EPM2A: variants seen among roughly 807,000 people sequenced by gnomAD.
EPM2A encodes laforin.
A neutral mutation model predicts 26.5 loss-of-function variants in EPM2A; 21 were observed. The observed-to-expected ratio is 0.79, with a 90% CI of 0.56 to 1.14. The LOEUF is 1.14. EPM2A is among the 50% of genes most tolerant of loss of function. EPM2A has a pLI of 0.00. For missense variants in EPM2A, 458 were observed against 440.8 expected (o/e 1.04, Z -0.35); for synonymous variants, 217 against 177.6 (o/e 1.22, Z -1.76).
chr6:145,690,965 G>A (rs117361975), intron 1 of EPM2A, among the ~76,000 whole-genome samples: 1,644 of 150,030 alleles, frequency 0.011, 13 homozygotes, highest in Admixed American at 0.018. Flanking sequence ...CAACAGAAAA[G>A]TAGGCTGAAT....
chr6:145,435,180 T>C (rs1266040337), intron 4 of EPM2A, among the ~76,000 whole-genome samples: 1 of 152,098 alleles, frequency 6.6e-6, no homozygotes, highest in East Asian at 1.9e-4. Flanking sequence ...AATTTAGACA[T>C]AGTCAATCAT....
At chr6:145,450,350 C>CAAAAAAAAA (rs368618860) in intron 4 of EPM2A, among the ~76,000 whole-genome samples, 1 of 62,492 alleles carries the variant, frequency 1.6e-5, no homozygotes, top group Admixed American at 1.8e-4. Flanking sequence ...GACTCCGTCT[C>CAAAAAAAAA]AAAAAAAAAA....
chr6:145,433,214 A>G (rs927671502), intron 4 of EPM2A, among the ~76,000 whole-genome samples: 7 of 152,188 alleles, frequency 4.6e-5, no homozygotes, highest in African/African-American at 1.7e-4. Context: ...GTCTTACATA[A>G]CTTGGCTAAC....
downstream of EPM2A, among the ~76,000 whole-genome samples, chr6:145,622,924 T>C (rs376440566): frequency 6.6e-6 from 1 of 152,210 alleles, no homozygotes. Context: ...AAATCAGAAG[T>C]AAAACTATCT....
At chr6:145,478,345 A>G (rs1443554642) in intron 4 of EPM2A, among the ~76,000 whole-genome samples, 1 of 152,000 alleles carries the variant, frequency 6.6e-6, no homozygotes, top group Non-Finnish European at 1.5e-5. Flanking sequence ...TAAAATGTCC[A>G]TGCTATCCAA....
At position 145,626,793 on chromosome 6, in the gene EPM2A, A is replaced by C. The variant is rs1775843030; in HGVS notation, c.*623T>G. On this transcript the variant is annotated 3_prime_UTR_variant, in exon 4 of 4. Coordinates refer to ENST00000367519, the MANE Select transcript of EPM2A (RefSeq NM_005670.4). ...TTTTGAGGAAAAACAACAACAAATG[A>C]GAGATAATTCTACTTTAGTTGTTAC... The C allele has an allele frequency of 1.0e-6, 1 of 985,722 alleles. No individual in the cohort carries two copies. Among genetic ancestry groups the C allele is most frequent in the Non-Finnish European group, 1.2e-6 (1 of 830,232 alleles). The allele number at this position is 985,722 out of a possible 1,614,324, so 61.1% of individuals were successfully genotyped here. A position where few individuals can be genotyped will look rare whatever the true frequency, so the allele number is the denominator to read the frequency against.
chr6:145,430,106 C>A (rs769552892), intron 4 of EPM2A, among the ~76,000 whole-genome samples: 1 of 151,780 alleles, frequency 6.6e-6, no homozygotes, highest in Non-Finnish European at 1.5e-5. Context: ...GCAGGAGAAT[C>A]GCTTGAATTC....
At chr6:145,617,806 A>G (rs965379129) in intron 2 of EPM2A, among the ~76,000 whole-genome samples, 2 of 152,060 alleles carry the variant, frequency 1.3e-5, no homozygotes, top group East Asian at 1.9e-4. Flanking sequence ...GCCTAGTATG[A>G]TGGCAAACAC....
rs563708107 is a variant in EPM2A, at chr6:145,625,656, C to G, written c.*1760G>C. 1 of 733,312 alleles carries G rather than the reference C, an allele frequency of 1.4e-6. No homozygotes were observed. Among genetic ancestry groups the G allele is most frequent in the East Asian group, 2.6e-5 (1 of 38,698 alleles). The allele number at this position is 733,312 out of a possible 1,614,324, so 45.4% of individuals were successfully genotyped here. On this transcript the variant is annotated 3_prime_UTR_variant, in exon 4 of 4. Transcript: ENST00000367519. ...TTTTTAGCAAGGGAGCTGGACTTCA[C>G]TTTACTTAATGCTAGCTTATAAATT...
chr6:145,611,642 C>A (rs1297442244), intron 2 of EPM2A, among the ~76,000 whole-genome samples: 1 of 151,960 alleles, frequency 6.6e-6, no homozygotes, highest in Non-Finnish European at 1.5e-5. Context: ...GCAATTTTCT[C>A]TGGAAGAGAG....
chr6:145,540,710 C>T (rs1009036412), intron 2 of EPM2A, among the ~76,000 whole-genome samples: 2 of 152,030 alleles, frequency 1.3e-5, no homozygotes, highest in Non-Finnish European at 2.9e-5. Flanking sequence ...AGACGCATTT[C>T]AGAAAACAAA....
At chr6:145,598,308 A>T (rs1202750796) in intron 2 of EPM2A, among the ~76,000 whole-genome samples, 1 of 151,908 alleles carries the variant, frequency 6.6e-6, no homozygotes, top group Non-Finnish European at 1.5e-5. Context: ...TTTGATATAC[A>T]TTTCCCTAAT....
chr6:145,484,396 T>A (rs1174358834), intron 4 of EPM2A, among the ~76,000 whole-genome samples: 1 of 152,096 alleles, frequency 6.6e-6, no homozygotes, highest in Non-Finnish European at 1.5e-5. Flanking sequence ...CCTGTGCACT[T>A]ATTTGATGGA....
chr6:145,641,080 C>A (rs1777050541), intron 2 of EPM2A: 1 of 152,136 alleles, frequency 6.6e-6, no homozygotes, highest in South Asian at 2.1e-4. Flanking sequence ...TAGTTTAGAG[C>A]CATATGAAAG....
intron 4 of EPM2A, among the ~76,000 whole-genome samples, chr6:145,452,485 A>G (rs1328899906): frequency 3.4e-5 from 3 of 87,294 alleles, no homozygotes; most frequent in Non-Finnish European, 7.0e-5. Flanking sequence ...CTCTACTAAA[A>G]ATACAAAAAA....
intron 2 of EPM2A, among the ~76,000 whole-genome samples, chr6:145,680,737 C>T (rs1226569597): frequency 6.6e-6 from 1 of 152,172 alleles, no homozygotes; most frequent in East Asian, 1.9e-4. Flanking sequence ...TTTTTTATGG[C>T]TGCATAGTAT....
intron 2 of EPM2A, among the ~76,000 whole-genome samples, chr6:145,656,921 C>T (rs2128583591): frequency 6.6e-6 from 1 of 152,092 alleles, no homozygotes; most frequent in African/African-American, 2.4e-5. Context: ...ATTCTCTTTG[C>T]TTTTATGTTT....
rs539245500 is a variant in EPM2A, at chr6:145,540,083, C to T, written c.341-37508G>A. The stretch of plus-strand genomic sequence containing the variant: ...AAAGGCTCTTGCCTAAAGTGACCCC[C>T]GCCGTGTCTGCCTCCAGCCTGACCC... On this transcript the variant is annotated intron_variant, in intron 2 of 3. Coordinates refer to the EPM2A transcript ENST00000450221. 2.5e-4 allele frequency among the ~76,000 whole-genome samples: 38 copies of T among 152,312 alleles called. 1 individual carries two copies. Among genetic ancestry groups the T allele is most frequent in the African/African-American group, 6.7e-4 (28 of 41,566 alleles).
intron 4 of EPM2A, among the ~76,000 whole-genome samples, chr6:145,447,183 T>TA (rs1236755815): frequency 6.6e-6 from 1 of 152,066 alleles, no homozygotes; most frequent in Admixed American, 6.6e-5. Context: ...AAGGAAGAAA[T>TA]AAAAGAAGGA....
Sources: gnomAD v4.1 joint callset for allele counts (sites outside exome capture counted in the v4.1 genomes callset) on GRCh38, gnomAD v4.1.1 for gene constraint, MANE v1.5 for transcripts, NCBI Gene and HGNC (gene_info 2026-07-23, HGNC 2026-07-21) for gene names.